The following COLQ variants were observed in gnomAD, a reference collection of about 807,000 sequenced individuals.
COLQ encodes collagen like tail subunit of asymmetric acetylcholinesterase.
A neutral mutation model predicts 69.0 loss-of-function variants in COLQ; 48 were observed. The ratio of observed to expected loss-of-function variants is 0.70; its 90% confidence interval spans 0.55 to 0.88. The LOEUF is 0.88. Among genes scored for constraint, COLQ ranks in the 40% least tolerant of loss-of-function variants. The probability of loss-of-function intolerance (pLI) is 0.00; values close to 1 mark genes in which losing one functional copy is unlikely to be tolerated. For missense variants in COLQ, 618 were observed against 594.6 expected (o/e 1.04, Z -0.41); for synonymous variants, 217 against 211.2 (o/e 1.03, Z -0.24).
At chr3:15,459,726 C>T (rs1356358711) in intron 12 of COLQ, among the ~76,000 whole-genome samples, 2 of 151,796 alleles carry the variant, frequency 1.3e-5, no homozygotes, top group African/African-American at 4.8e-5. Context: ...TGATCCATCT[C>T]CCTTGGCCTC....
At chr3:15,495,656 A>T (rs1359536858) in intron 1 of COLQ, among the ~76,000 whole-genome samples, 1 of 152,120 alleles carries the variant, frequency 6.6e-6, no homozygotes, top group Non-Finnish European at 1.5e-5. Flanking sequence ...CTGTGTTGCA[A>T]AACACCATGC....
chr3:15,513,782 G>A (rs1163080160), intron 1 of COLQ, among the ~76,000 whole-genome samples: 1 of 152,096 alleles, frequency 6.6e-6, no homozygotes, highest in African/African-American at 2.4e-5. Context: ...TTTACCTAGT[G>A]GAAAAACTAG....
chr3:15,477,558 A>C (rs2062401421), intron 5 of COLQ: 1 of 282,344 alleles, frequency 3.5e-6, no homozygotes, highest in Admixed American at 4.7e-5. Flanking sequence ...GAGCAGTAGC[A>C]GATGCTGTCA....
chr3:15,455,656 C>T (rs2062013037), intron 15 of COLQ, among the ~76,000 whole-genome samples: 1 of 152,200 alleles, frequency 6.6e-6, no homozygotes, highest in African/African-American at 2.4e-5. Context: ...ATAAAGAAGG[C>T]CTAACTGGGG....
At chr3:15,511,137 G>A (rs1210333923) in intron 1 of COLQ, among the ~76,000 whole-genome samples, 1 of 152,192 alleles carries the variant, frequency 6.6e-6, no homozygotes, top group Non-Finnish European at 1.5e-5. Flanking sequence ...TTAAAGTCTG[G>A]TCCACCCCTT....
chr3:15,481,001 A>C (rs1330755007), intron 3 of COLQ, among the ~76,000 whole-genome samples: 1 of 152,116 alleles, frequency 6.6e-6, no homozygotes, highest in African/African-American at 2.4e-5. Context: ...CTGTTCATAC[A>C]CTTCACCCAC....
intron 3 of COLQ, among the ~76,000 whole-genome samples, chr3:15,484,034 A>T (rs761414289): frequency 1.3e-4 from 17 of 129,372 alleles, no homozygotes; most frequent in Non-Finnish European, 2.9e-4. Context: ...TAGGATTGCA[A>T]GCCGTGCTTT....
intron 1 of COLQ, among the ~76,000 whole-genome samples, chr3:15,515,716 G>A (rs1178472666): frequency 6.6e-6 from 1 of 152,222 alleles, no homozygotes; most frequent in Non-Finnish European, 1.5e-5. Flanking sequence ...TGAGGCTGGA[G>A]AATTGTTTGA....
In COLQ at chr3:15,450,856, G is replaced by A. The variant is rs2061931734; in HGVS notation, c.*788C>T. 6.6e-6 allele frequency: 1 copy of A among 152,524 alleles called. No homozygotes were observed. 9.4% of individuals were successfully genotyped at this position (152,524 alleles called of 1,614,324 possible). ...TCTCCTGGACAGGAAATGGACATGA[G>A]GGACATTTTTGAGACAGGGGGCAAA... On this transcript the variant is annotated 3_prime_UTR_variant, in exon 17 of 17. Transcript: ENST00000383788.
intron 1 of COLQ, among the ~76,000 whole-genome samples, chr3:15,507,333 C>A (rs1007361533): frequency 7.9e-5 from 12 of 152,186 alleles, no homozygotes; most frequent in Non-Finnish European, 1.2e-4. Flanking sequence ...AATTTTTACA[C>A]ATATTGCCTA....
chr3:15,491,639 C>T lies in COLQ; in HGVS notation c.107-2002G>A, dbSNP rs115762329. Reference sequence around the variant, plus strand: ...CTCTCAGGCCTAAAGCGACCTTTTACGGGAAATATTTTATAAAGACACCTT... The same window carrying T: ...CTCTCAGGCCTAAAGCGACCTTTTATGGGAAATATTTTATAAAGACACCTT... On this transcript the variant is annotated intron_variant, in intron 1 of 16. Coordinates refer to ENST00000383788, the MANE Select transcript of COLQ (RefSeq NM_005677.4). 7.6e-3 allele frequency among the ~76,000 whole-genome samples: 1,155 copies of T among 152,294 alleles called. 20 individuals are homozygous for T. Among genetic ancestry groups the T allele is most frequent in the African/African-American group, 0.026 (1,066 of 41,552 alleles).
chr3:15,489,325 G>C (rs2062625272), intron 2 of COLQ, among the ~76,000 whole-genome samples, 200 bp downstream of exon 2: 1 of 152,158 alleles, frequency 6.6e-6, no homozygotes, highest in Non-Finnish European at 1.5e-5. Flanking sequence ...ATTTATTTAA[G>C]ATATTTGGAG....
intron 12 of COLQ, among the ~76,000 whole-genome samples, chr3:15,464,774 A>T (rs1170492817): frequency 2.0e-5 from 3 of 152,220 alleles, no homozygotes; most frequent in African/African-American, 7.2e-5. Context: ...TCAACAAATG[A>T]TCTTCTTGAT....
intron 1 of COLQ, among the ~76,000 whole-genome samples, chr3:15,503,405 C>A (rs1448211512): frequency 6.6e-6 from 1 of 152,212 alleles, no homozygotes; most frequent in Admixed American, 6.5e-5. Context: ...GGTGCACAGA[C>A]TCAATTCCTG....
chr3:15,506,277 CA>C (rs2125170837), intron 1 of COLQ, among the ~76,000 whole-genome samples: 1 of 152,278 alleles, frequency 6.6e-6, no homozygotes, highest in South Asian at 2.1e-4. Flanking sequence ...CTTTTAAAGA[CA>C]AAAAATTCCA....
chr3:15,498,909 G>A lies in COLQ; in HGVS notation c.107-9272C>T, dbSNP rs1000679630. 2.3e-5 allele frequency: 29 copies of A among 1,285,226 alleles called. No individual in the cohort carries two copies. In the South Asian group the frequency reaches 4.7e-4, roughly 21 times the overall value. The allele number at this position is 1,285,226 out of a possible 1,614,324, so 79.6% of individuals were successfully genotyped here. Reference sequence around the variant, plus strand: ...CCCAGGGATACTTATCCCCCTGCAAGCCAAGAGGAAATTGAGAGCAATCAA... The same window carrying A: ...CCCAGGGATACTTATCCCCCTGCAAACCAAGAGGAAATTGAGAGCAATCAA... On this transcript the variant is annotated intron_variant, in intron 1 of 16. Transcript: ENST00000383788.
intron 1 of COLQ, among the ~76,000 whole-genome samples, chr3:15,495,204 C>G (rs2062730274): frequency 6.6e-6 from 1 of 152,132 alleles, no homozygotes; most frequent in Admixed American, 6.5e-5. Context: ...TTCAGGGAAC[C>G]AAGCTGGGTT....
At chr3:15,481,438 C>A (rs1183690929) in intron 3 of COLQ, among the ~76,000 whole-genome samples, 3 of 152,224 alleles carry the variant, frequency 2.0e-5, no homozygotes, top group African/African-American at 7.2e-5. Flanking sequence ...ATATGGCTAG[C>A]CAGTTTTCCC....
chr3:15,505,957 C>T (rs1222424244), intron 1 of COLQ, among the ~76,000 whole-genome samples: 2 of 152,214 alleles, frequency 1.3e-5, no homozygotes, highest in Non-Finnish European at 2.9e-5. Flanking sequence ...ATCCCACCTC[C>T]AGGATCTATT....
Sources: allele counts gnomAD v4.1 joint callset (sites outside exome capture counted in the v4.1 genomes callset), GRCh38; gene constraint gnomAD v4.1.1; transcripts MANE v1.5; gene names NCBI Gene and HGNC (gene_info 2026-07-23, HGNC 2026-07-21).